Variants in PLCL1 observed in about 807,000 individuals in gnomAD.
The protein encoded by PLCL1 is inactive phospholipase C-like protein 1.
Under a neutral mutation model 84.4 loss-of-function variants are expected in PLCL1, and 41 were observed. That is an observed-to-expected ratio of 0.49 (90% CI 0.38 to 0.63). The LOEUF (loss-of-function observed/expected upper bound fraction) is 0.63, where lower values mean the gene tolerates loss of function less well. Among genes scored for constraint, PLCL1 ranks in the 30% least tolerant of loss-of-function variants. The pLI is 0.00. For synonymous variants in PLCL1, 490 were observed against 488.3 expected (o/e 1.00, Z -0.05); for missense variants, 1,206 against 1,367.8 (o/e 0.88, Z 1.87).
chr2:198,107,353 C>A (rs961569371), intron 5 of PLCL1, among the ~76,000 whole-genome samples: 1 of 151,826 alleles, frequency 6.6e-6, no homozygotes, highest in Non-Finnish European at 1.5e-5. Flanking sequence ...GGGTCCAAAC[C>A]ATATCAGTCC....
intron 1 of PLCL1, among the ~76,000 whole-genome samples, chr2:197,948,379 T>A (rs1413538118): frequency 1.3e-5 from 2 of 152,092 alleles, no homozygotes; most frequent in African/African-American, 4.8e-5. Context: ...AGAAAGGGAG[T>A]GGGACTGAGG....
intron 5 of PLCL1, among the ~76,000 whole-genome samples, chr2:198,137,161 TA>T (rs1694273836): frequency 6.6e-6 from 1 of 151,974 alleles, no homozygotes; most frequent in South Asian, 2.1e-4. Context: ...AAAAAACAAA[TA>T]AACAATATAG....
intron 1 of PLCL1, among the ~76,000 whole-genome samples, chr2:197,953,117 T>C (rs1054081215): frequency 2.0e-5 from 3 of 152,110 alleles, no homozygotes; most frequent in African/African-American, 7.2e-5. Context: ...GTAGGTATTG[T>C]TATCCTTAGA....
At chr2:198,022,909 A>G (rs1041071827) in intron 1 of PLCL1, among the ~76,000 whole-genome samples, 1 of 152,222 alleles carries the variant, frequency 6.6e-6, no homozygotes, top group Admixed American at 6.5e-5. Context: ...TTTAAATTTC[A>G]TATGGAACCA....
rs188323034 is a variant in PLCL1 at position 198,091,592 on chromosome 2, A to G, written c.2919+2531A>G. The stretch of plus-strand genomic sequence containing the variant: ...CTACTTGGGAGGCTGAGGCAGGAGA[A>G]TCGCTTGAACCTGGGAGGCGGAGGT... On this transcript the variant is annotated intron_variant, in intron 3 of 5. Coordinates refer to ENST00000428675, the MANE Select transcript of PLCL1 (RefSeq NM_006226.4). 3.1e-3 allele frequency among the ~76,000 whole-genome samples: 465 copies of G among 152,104 alleles called. 2 individuals are homozygous for G. The highest frequency in any genetic ancestry group is 0.011 in the African/African-American group (436 of 41,494).
intron 1 of PLCL1, among the ~76,000 whole-genome samples, chr2:197,873,388 C>A (rs1254584276): frequency 6.6e-6 from 1 of 151,970 alleles, no homozygotes. Context: ...ATGGACCCTG[C>A]AGAGAGACTG....
At chr2:197,856,434 T>G (rs1687331499) in intron 1 of PLCL1, among the ~76,000 whole-genome samples, 1 of 152,178 alleles carries the variant, frequency 6.6e-6, no homozygotes, top group Non-Finnish European at 1.5e-5. Context: ...CTAAATGTTA[T>G]TTTTATAAAA....
intron 1 of PLCL1, among the ~76,000 whole-genome samples, chr2:198,038,169 G>A (rs1353142671): frequency 2.0e-5 from 3 of 152,122 alleles, no homozygotes; most frequent in African/African-American, 7.2e-5. Context: ...TCTAGAGAGA[G>A]AGAGAATTAA....
intron 1 of PLCL1, among the ~76,000 whole-genome samples, chr2:198,004,723 C>T (rs1690687110): frequency 2.0e-5 from 3 of 152,124 alleles, no homozygotes; most frequent in South Asian, 4.1e-4. Context: ...AATATTCCAA[C>T]ATTGAAAACC....
rs1688797427 is a variant in PLCL1 at position 197,924,584 on chromosome 2, C to G, written c.240+119245C>G. On this transcript the variant is annotated intron_variant, in intron 1 of 5. Coordinates refer to ENST00000428675, the MANE Select transcript of PLCL1 (RefSeq NM_006226.4). ...CAATACTATTATTATTGATACAGCA[C>G]TTTATAGACCAGGGAACTGAAGTAC... Among the ~76,000 whole-genome samples the G allele has an allele frequency of 2.6e-5, 4 of 151,866 alleles. No homozygotes were observed. The South Asian group carries it at 8.4e-4, about 32-fold the overall frequency.
intron 1 of PLCL1, among the ~76,000 whole-genome samples, chr2:197,854,448 C>G (rs1687295109): frequency 6.6e-6 from 1 of 151,990 alleles, no homozygotes; most frequent in Admixed American, 6.6e-5. Context: ...ACATTGTTGA[C>G]TAGTTGAGAG....
At chr2:198,109,542 T>C (rs1693565866) in intron 5 of PLCL1, among the ~76,000 whole-genome samples, 1 of 151,920 alleles carries the variant, frequency 6.6e-6, no homozygotes, top group African/African-American at 2.4e-5. Flanking sequence ...AGCCAACATA[T>C]TCTAGTACAT....
intron 1 of PLCL1, among the ~76,000 whole-genome samples, chr2:198,050,909 G>A (rs939687711): frequency 3.3e-5 from 5 of 152,194 alleles, no homozygotes; most frequent in Non-Finnish European, 1.5e-5. Flanking sequence ...ACCTTCGTGA[G>A]CTGTGTTTGA....
At chr2:198,141,339 G>T (rs1048826136) in intron 5 of PLCL1, among the ~76,000 whole-genome samples, 11 of 152,038 alleles carry the variant, frequency 7.2e-5, no homozygotes, top group Non-Finnish European at 1.2e-4. Flanking sequence ...GCACCTTTGT[G>T]CCTTTTAACT....
intron 1 of PLCL1, among the ~76,000 whole-genome samples, chr2:198,068,787 C>T (rs945158303): frequency 7.0e-4 from 106 of 151,642 alleles, no homozygotes; most frequent in African/African-American, 2.3e-3. Context: ...TTTGGGAGGC[C>T]GAGGTGGACG....
At chr2:197,847,512 T>A (rs1210938977) in intron 1 of PLCL1, among the ~76,000 whole-genome samples, 1 of 152,158 alleles carries the variant, frequency 6.6e-6, no homozygotes, top group Non-Finnish European at 1.5e-5. Flanking sequence ...CAAATTATTT[T>A]TACCTTCTTT....
At chr2:197,996,973 G>T (rs1004994464) in intron 1 of PLCL1, among the ~76,000 whole-genome samples, 1 of 152,166 alleles carries the variant, frequency 6.6e-6, no homozygotes, top group Non-Finnish European at 1.5e-5. Flanking sequence ...TTGGACAAGT[G>T]TTGAGGGTGA....
intron 1 of PLCL1, among the ~76,000 whole-genome samples, chr2:197,886,899 G>A (rs1305131668): frequency 6.6e-6 from 1 of 152,170 alleles, no homozygotes; most frequent in Admixed American, 6.5e-5. Flanking sequence ...CAATATCCAG[G>A]AAGCCTTAGG....
chr2:198,102,995 T>A (rs185506279), intron 4 of PLCL1, among the ~76,000 whole-genome samples: 72 of 152,210 alleles, frequency 4.7e-4, no homozygotes, highest in African/African-American at 1.7e-3. Context: ...TACTTTAAGG[T>A]CATTCCCAAA....
Sources: gnomAD v4.1 joint callset for allele counts (sites outside exome capture counted in the v4.1 genomes callset) on GRCh38, gnomAD v4.1.1 for gene constraint, MANE v1.5 for transcripts, NCBI Gene and HGNC (gene_info 2026-07-23, HGNC 2026-07-21) for gene names.